BTBD7: variants seen among roughly 807,000 people sequenced by gnomAD.
The protein encoded by BTBD7 is BTB domain containing 7, also known as BTB/POZ domain-containing protein 7.
BTBD7 carries 38 observed loss-of-function variants against 99.9 expected under a neutral mutation model. That is an observed-to-expected ratio of 0.38 (90% CI 0.29 to 0.50). The LOEUF is 0.50. Ranked by LOEUF, BTBD7 falls within the 20% of genes least tolerant of loss-of-function variation. The pLI is 0.93. For synonymous variants in BTBD7, 520 were observed against 511.4 expected (o/e 1.02, Z -0.23); for missense variants, 1,170 against 1,394.6 (o/e 0.84, Z 2.57).
intron 3 of BTBD7, among the ~76,000 whole-genome samples, chr14:93,271,538 A>G (rs1018441537): frequency 1.3e-5 from 2 of 152,170 alleles, no homozygotes; most frequent in Non-Finnish European, 2.9e-5. Context: ...CAGGCTCGAG[A>G]GAAAAGTTGC....
At chr14:93,276,994 C>A (rs1054062549) in intron 3 of BTBD7, among the ~76,000 whole-genome samples, 1 of 146,514 alleles carries the variant, frequency 6.8e-6, no homozygotes, top group African/African-American at 2.6e-5. Context: ...CTCTGCCTCC[C>A]GGGTTCAAGC....
Position 93,261,743 on chromosome 14 carries a change from C to A in BTBD7, c.1372-66G>T. ...GATAAGTGGTTAATTTCATTAAGGA[C>A]TTTTCGTAGGTGGGAAATAACAGCA... On this transcript the variant is annotated intron_variant, in intron 4 of 10. Coordinates refer to ENST00000334746, the MANE Select transcript of BTBD7 (RefSeq NM_001002860.4). 3 of 1,206,172 alleles carry A rather than the reference C, an allele frequency of 2.5e-6. No individual in the cohort carries two copies. The South Asian group carries it at 3.8e-5, about 15-fold the overall frequency. The allele number at this position is 1,206,172 out of a possible 1,614,324, so 74.7% of individuals were successfully genotyped here.
rs573515870 is a variant in BTBD7 at position 93,239,875 on chromosome 14, C to CCG, written c.*2397_*2398insCG. 3 of 150,980 alleles carry CCG rather than the reference C, an allele frequency of 2.0e-5. No homozygotes were observed. Among genetic ancestry groups the CCG allele is most frequent in the African/African-American group, 7.3e-5 (3 of 41,030 alleles). The allele number at this position is 150,980 out of a possible 1,614,324, so 9.4% of individuals were successfully genotyped here. ...ATCAACAGCTCTGGTCTAACATTTG[C>CCG]GGGGGGGGAAGGGTCAGGGATGAGA... On this transcript the variant is annotated 3_prime_UTR_variant, in exon 11 of 11. Coordinates refer to ENST00000334746, the MANE Select transcript of BTBD7 (RefSeq NM_001002860.4).
At chr14:93,262,974 T>C (rs1422561583) in intron 4 of BTBD7, among the ~76,000 whole-genome samples, 1 of 152,116 alleles carries the variant, frequency 6.6e-6, no homozygotes, top group Non-Finnish European at 1.5e-5. Flanking sequence ...CAAAGCAACA[T>C]ACAAAGGAAA....
At chr14:93,277,449 C>CT (rs1291794274) in intron 3 of BTBD7, among the ~76,000 whole-genome samples, 1 of 152,146 alleles carries the variant, frequency 6.6e-6, no homozygotes, top group African/African-American at 2.4e-5. Flanking sequence ...CCTGAAATCT[C>CT]TGAAATAGAG....
intron 1 of BTBD7, among the ~76,000 whole-genome samples, chr14:93,326,622 C>T (rs940576183): frequency 2.0e-5 from 3 of 151,840 alleles, no homozygotes; most frequent in South Asian, 2.1e-4. Context: ...GCCAATGGGG[C>T]GAAACCCTGT....
At chr14:93,328,960 C>T (rs9919907) in intron 1 of BTBD7, among the ~76,000 whole-genome samples, 58,382 of 151,922 alleles carry the variant, frequency 0.38, 12,403 homozygotes, top group African/African-American at 0.58. Flanking sequence ...CTTCCTGACA[C>T]TGGATTTAAT....
chr14:93,242,655 C>G lies in BTBD7; in HGVS notation c.3017G>C (p.Arg1006Thr). 1 of 1,614,156 alleles carries G rather than the reference C, an allele frequency of 6.2e-7. No homozygotes were observed. Among genetic ancestry groups the G allele is most frequent in the Non-Finnish European group, 8.5e-7 (1 of 1,180,036 alleles). ...GTCAGGGGAAAGTGGATATTCTCTC[C>G]TAGCTTCTTCCTGTTTTTTAGGAGA... The part of the protein sequence containing the change: ...QTSPKKQEEA[R>T]REYPLSPDGH... The change falls in exon 11 of 11, where the codon AGG (arginine) becomes ACG (threonine). Residue 1006 changes from arginine (R) to threonine (T), a missense_variant. Physicochemically the swap from Arg to Thr is moderately conservative, Grantham distance 71. Transcript: ENST00000334746.
intron 3 of BTBD7, among the ~76,000 whole-genome samples, chr14:93,280,828 G>T (rs971671027): frequency 1.1e-4 from 17 of 150,208 alleles, no homozygotes; most frequent in Non-Finnish European, 2.2e-4. Context: ...TCCTTTGAAG[G>T]TATTATTTAT....
Position 93,257,323 on chromosome 14 carries a change from C to T in BTBD7, c.1480G>A (p.Val494Met), listed in dbSNP as rs1566838473. Residue 494 changes from valine (V) to methionine (M), a missense_variant, in exon 6 of 11, where the codon GTG becomes ATG. This residue lies in a region of BTBD7 where 309 missense variants were observed against 342.0 expected (regional missense o/e 0.90). Transcript: ENST00000334746. ...PNLLSGTAHS[V>M]NKRGVKRRDL... is the part of the protein sequence containing the mutation. Reference sequence around the variant, plus strand: ...CGTCTTTTTACACCTCTTTTGTTCACACTATGGGCAGTGCCACTCAGTAAG... The same window carrying T: ...CGTCTTTTTACACCTCTTTTGTTCATACTATGGGCAGTGCCACTCAGTAAG... 6.2e-7 allele frequency: 1 copy of T among 1,613,124 alleles called. No individual in the cohort carries two copies. Among genetic ancestry groups the T allele is most frequent in the South Asian group, 1.1e-5 (1 of 90,762 alleles).
chr14:93,261,610 G>A lies in BTBD7; in HGVS notation c.1439C>T (p.Ala480Val). 1 of 1,610,766 alleles carries A rather than the reference G, an allele frequency of 6.2e-7. No homozygotes were observed. Among genetic ancestry groups the A allele is most frequent in the East Asian group, 2.2e-5 (1 of 44,758 alleles). Residue 480 changes from alanine (A) to valine (V), a missense_variant, in exon 5 of 11, where the codon GCA becomes GTA. Physicochemically the swap from Ala to Val is moderately conservative, Grantham distance 64. Around this residue, in one of 4 missense-constraint regions of BTBD7, gnomAD observed 309 missense variants for 342.0 expected, o/e 0.90. Transcript: ENST00000334746. ...TAATTTTCGGAGCTTACCTCTATCT[G>A]CTATTCTTTTCATCAACTGATGCTC... ...WGEHQLMKRI[A>V]DREPNLLSGT...
chr14:93,313,025 T>C (rs1002670529), intron 1 of BTBD7, among the ~76,000 whole-genome samples: 2 of 152,152 alleles, frequency 1.3e-5, no homozygotes, highest in Admixed American at 6.5e-5. Context: ...GCACCCTAAT[T>C]TGTTTGTAAT....
chr14:93,277,678 T>C (rs997309136), intron 3 of BTBD7, among the ~76,000 whole-genome samples: 2 of 152,172 alleles, frequency 1.3e-5, no homozygotes, highest in Non-Finnish European at 2.9e-5. Context: ...TTGCTTACCT[T>C]ATGGTAAATG....
chr14:93,321,793 A>T (rs2053273342), intron 1 of BTBD7, among the ~76,000 whole-genome samples: 1 of 152,132 alleles, frequency 6.6e-6, no homozygotes, highest in Non-Finnish European at 1.5e-5. Context: ...GTGGCTGATA[A>T]TACAACTGTT....
chr14:93,329,452 A>G (rs1260185271), intron 1 of BTBD7, among the ~76,000 whole-genome samples: 1 of 152,214 alleles, frequency 6.6e-6, no homozygotes, highest in Non-Finnish European at 1.5e-5. Flanking sequence ...TTCTGGATAT[A>G]AAATTCATAA....
At position 93,277,387 on chromosome 14, in the gene BTBD7, T is replaced by C. The variant is rs186784883; in HGVS notation, c.1163-13394A>G. On this transcript the variant is annotated intron_variant, in intron 3 of 10. Coordinates refer to ENST00000334746, the MANE Select transcript of BTBD7 (RefSeq NM_001002860.4). The stretch of plus-strand genomic sequence containing the variant: ...CAGTTCTCTGCACAAAGACACCACA[T>C]ATAGCCCTCTACTGTAATGCAGGGG... 1.4e-3 allele frequency among the ~76,000 whole-genome samples: 219 copies of C among 152,290 alleles called. 3 individuals are homozygous for C. The highest frequency in any genetic ancestry group is 8.1e-3 in the East Asian group (42 of 5,182).
At chr14:93,246,861 T>A (rs1307183863) in intron 9 of BTBD7, among the ~76,000 whole-genome samples, 1 of 107,302 alleles carries the variant, frequency 9.3e-6, no homozygotes, top group Non-Finnish European at 2.0e-5. Flanking sequence ...CCAGACTATA[T>A]ATTTTAAGGA....
At chr14:93,309,296 CAAAT>C (rs2053110338) in intron 1 of BTBD7, among the ~76,000 whole-genome samples, 1 of 150,460 alleles carries the variant, frequency 6.6e-6, no homozygotes, top group Non-Finnish European at 1.5e-5. Flanking sequence ...TATCCAAAGT[CAAAT>C]AAAGAGTAAA....
rs1237713200 is a variant in BTBD7, at chr14:93,290,793, C to T, written c.1162+3065G>A. Among the ~76,000 whole-genome samples the T allele has an allele frequency of 3.3e-5, 5 of 151,954 alleles. No individual in the cohort carries two copies. In the East Asian group the frequency reaches 5.8e-4, roughly 18 times the overall value. On this transcript the variant is annotated intron_variant, in intron 3 of 10. Coordinates refer to ENST00000334746, the MANE Select transcript of BTBD7 (RefSeq NM_001002860.4). Reference sequence around the variant, plus strand: ...GCAACCTCCATCTCCCGGGTTCAAACGATTCTCCTGCCTCAGCCTACCTGG... The same window carrying T: ...GCAACCTCCATCTCCCGGGTTCAAATGATTCTCCTGCCTCAGCCTACCTGG...
Sources: gnomAD v4.1 joint callset for allele counts (sites outside exome capture counted in the v4.1 genomes callset) on GRCh38, gnomAD v4.1.1 for gene constraint, gnomAD v4.1.1 regional missense constraint, MANE v1.5 for transcripts, NCBI Gene and HGNC (gene_info 2026-07-23, HGNC 2026-07-21) for gene names.